MORN1: variants seen among roughly 807,000 people sequenced by gnomAD.
The protein encoded by MORN1 is MORN repeat containing 1, also known as MORN repeat-containing protein 1.
In MORN1, 67 loss-of-function variants were observed where a neutral mutation model predicts 61.9. The observed-to-expected ratio is 1.08, with a 90% confidence interval of 0.89 to 1.33. The LOEUF (loss-of-function observed/expected upper bound fraction) is 1.33, where lower values mean the gene tolerates loss of function less well. Ranked by LOEUF, MORN1 falls within the 40% of genes most tolerant of loss-of-function variation. The pLI is 0.00. For missense variants in MORN1, 752 were observed against 691.2 expected (o/e 1.09, Z -0.99); for synonymous variants, 301 against 292.0 (o/e 1.03, Z -0.31).
At chr1:2,352,118 AGAGT>A in intron 10 of MORN1, 1 of 428,520 alleles carries the variant, frequency 2.3e-6, no homozygotes, top group South Asian at 2.8e-5. Flanking sequence ...GAAATTGTGT[AGAGT>A]GTTTGTGAGC....
At chr1:2,379,698 G>A (rs1035308855) in intron 6 of MORN1, among the ~76,000 whole-genome samples, 1 of 152,186 alleles carries the variant, frequency 6.6e-6, no homozygotes, top group Non-Finnish European at 1.5e-5. Flanking sequence ...TGTTAAGAGG[G>A]CTAAACTCAT....
At chr1:2,376,921 G>C (rs1179243650) in intron 6 of MORN1, 2 of 151,908 alleles carry the variant, frequency 1.3e-5, no homozygotes, top group Non-Finnish European at 2.9e-5. Context: ...TATTAAATAG[G>C]GTGCAGGGGA....
intron 8 of MORN1, among the ~76,000 whole-genome samples, chr1:2,370,554 G>C (rs547974376): frequency 1.3e-4 from 20 of 152,196 alleles, no homozygotes; most frequent in Admixed American, 4.6e-4. Flanking sequence ...GAAAAGATGA[G>C]CCGTAGGTGG....
intron 13 of MORN1, chr1:2,322,738 G>A: frequency 4.1e-6 from 4 of 985,490 alleles, no homozygotes; most frequent in Non-Finnish European, 4.8e-6. Flanking sequence ...CAGGAATCCA[G>A]CTATACCAGT....
intron 8 of MORN1, among the ~76,000 whole-genome samples, chr1:2,363,804 AC>A (rs1206457656): frequency 3.7e-5 from 3 of 80,616 alleles, no homozygotes; most frequent in South Asian, 5.0e-4. Context: ...AAACAAACAA[AC>A]AAAAAAATAT....
intron 13 of MORN1, 163 bp downstream of exon 13, chr1:2,323,934 G>A: frequency 1.0e-6 from 1 of 984,944 alleles, no homozygotes; most frequent in Non-Finnish European, 1.2e-6. Context: ...TCCCATTCAG[G>A]TCCCTGGGAG....
intron 10 of MORN1, among the ~76,000 whole-genome samples, chr1:2,354,055 C>T (rs1162953076): frequency 6.6e-6 from 1 of 151,592 alleles, no homozygotes; most frequent in East Asian, 2.0e-4. Context: ...GGGGCCAAGG[C>T]GAGCAGATCA....
chr1:2,377,197 T>C (rs1316796680), intron 6 of MORN1: 2 of 152,338 alleles, frequency 1.3e-5, no homozygotes, highest in East Asian at 3.8e-4. Context: ...AAGGTGGTGG[T>C]GGTCACACGA....
chr1:2,338,242 G>A (rs1641321412), intron 10 of MORN1, among the ~76,000 whole-genome samples: 1 of 152,198 alleles, frequency 6.6e-6, no homozygotes, highest in South Asian at 2.1e-4. Flanking sequence ...ATCTCTCTCA[G>A]AGGTGTCTTA....
chr1:2,357,184 C>T lies in MORN1; in HGVS notation c.1036+248G>A, dbSNP rs562554034. ...CCAGAACTCTGCCCTGAGGACCCCA[C>T]GAGGCTGCAGCCCCTGCCAGGCTCA... On this transcript the variant is annotated intron_variant, in intron 10 of 13. Transcript: ENST00000378531. This position sits in a 1 kb window ranked among gnomAD's most constrained non-coding sequence, Gnocchi z 6.3. Among the ~76,000 whole-genome samples the T allele has an allele frequency of 1.1e-4, 17 of 152,296 alleles. No homozygotes were observed. The highest frequency in any genetic ancestry group is 8.5e-4 in the Admixed American group (13 of 15,304).
At chr1:2,384,085 G>C (rs770549372) in intron 6 of MORN1, among the ~76,000 whole-genome samples, 11 of 152,212 alleles carry the variant, frequency 7.2e-5, no homozygotes, top group Non-Finnish European at 1.5e-4. Flanking sequence ...CCATTGGAGT[G>C]ATGGGTGTGG....
chr1:2,342,840 A>T (rs905347152), intron 10 of MORN1, among the ~76,000 whole-genome samples: 20 of 101,984 alleles, frequency 2.0e-4, no homozygotes, highest in South Asian at 6.9e-4. Flanking sequence ...ATTTTATTTT[A>T]TATTTTATTT....
chr1:2,327,165 G>GAC lies in MORN1; in HGVS notation c.1251-3024_1251-3023dup, dbSNP rs1557866317. ...AGAGACACAGAAACAGAAACACACA[G>GAC]ACAGAAACAAACACAGAGACACAGA... On this transcript the variant is annotated intron_variant, in intron 12 of 13. Coordinates refer to ENST00000378531, the MANE Select transcript of MORN1 (RefSeq NM_024848.3). Among the ~76,000 whole-genome samples the GAC allele has an allele frequency of 4.8e-3, 595 of 123,728 alleles. 44 individuals are homozygous for GAC. The highest frequency in any genetic ancestry group is 0.019 in the African/African-American group (552 of 28,814). 81.2% of individuals were successfully genotyped at this position (123,728 alleles called of 152,430 possible). A position where few individuals can be genotyped will look rare whatever the true frequency, so the allele number is the denominator to read the frequency against.
At position 2,336,469 on chromosome 1, in the gene MORN1, C is replaced by T; in HGVS notation, c.1250G>A (p.Arg417Lys). The change falls in exon 12 of 14, where the codon AGG becomes AAG. Residue 417 changes from arginine to lysine, a missense_variant and splice_region_variant. By Grantham distance (26) the Arg-to-Lys change is conservative. Coordinates refer to ENST00000378531, the MANE Select transcript of MORN1 (RefSeq NM_024848.3). Reference sequence around the variant, plus strand: ...TGCAGGTGGGGTGGGCTCATCCTACCTGCTGCCTCCAGGAGGCTCCTGTGC... The same window carrying T: ...TGCAGGTGGGGTGGGCTCATCCTACTTGCTGCCTCCAGGAGGCTCCTGTGC... Reference protein sequence around the residue: ...PTAQEPPGGSRPEGRATEEQA... With the variant: ...PTAQEPPGGSKPEGRATEEQA... The T allele has an allele frequency of 6.2e-7, 1 of 1,611,210 alleles. No individual in the cohort carries two copies. The highest frequency in any genetic ancestry group is 8.5e-7 in the Non-Finnish European group (1 of 1,179,060).
intron 6 of MORN1, among the ~76,000 whole-genome samples, chr1:2,384,478 A>G (rs113380394): frequency 5.4e-4 from 83 of 152,354 alleles, no homozygotes; most frequent in African/African-American, 1.9e-3. Flanking sequence ...GAAACTGCAG[A>G]CACAGGAGAA....
At chr1:2,330,664 C>A (rs142071461) in intron 12 of MORN1, among the ~76,000 whole-genome samples, 31 of 152,274 alleles carry the variant, frequency 2.0e-4, no homozygotes, top group African/African-American at 7.2e-4. Context: ...TTCTCGGAGC[C>A]GAGGAGGGAG....
At chr1:2,340,539 C>G (rs1262584291) in intron 10 of MORN1, among the ~76,000 whole-genome samples, 2 of 152,256 alleles carry the variant, frequency 1.3e-5, no homozygotes, top group African/African-American at 4.8e-5. Context: ...TCTGGGCCAT[C>G]ATCTGTGGCT....
At position 2,324,191 on chromosome 1, in the gene MORN1, G is replaced by A. The variant is rs376125989; in HGVS notation, c.1251-48C>T. The A allele has an allele frequency of 4.5e-5, 69 of 1,545,366 alleles. No homozygotes were observed. In the East Asian group the frequency reaches 6.4e-4, roughly 14 times the overall value. On this transcript the variant is annotated intron_variant, in intron 12 of 13. Coordinates refer to ENST00000378531, the MANE Select transcript of MORN1 (RefSeq NM_024848.3). ...CCCCTGAATGCCCTGCCTGGGCCCC[G>A]ACGACATGGCATCCCTGACCTGAAC...
rs1011657226 is a variant in MORN1, at chr1:2,345,851, ACACAG to A, written c.1037-9006_1037-9002del. On this transcript the variant is annotated intron_variant, in intron 10 of 13. Coordinates refer to ENST00000378531, the MANE Select transcript of MORN1 (RefSeq NM_024848.3). ...CGGCCACACACACACACACACACAC[ACACAG>A]ATGTTTGCTCTTATCTCTATGACGC... Among the ~76,000 whole-genome samples, 69 of 99,688 alleles carry A rather than the reference ACACAG, an allele frequency of 6.9e-4. 1 individual carries two copies. The highest frequency in any genetic ancestry group is 4.6e-3 in the South Asian group (15 of 3,266). The allele number at this position is 99,688 out of a possible 152,430, so 65.4% of individuals were successfully genotyped here. A position where few individuals can be genotyped will look rare whatever the true frequency, so the allele number is the denominator to read the frequency against.
Sources: gnomAD v4.1 joint callset for allele counts (sites outside exome capture counted in the v4.1 genomes callset) on GRCh38, gnomAD v4.1.1 for gene constraint, Gnocchi (gnomAD v3.1) non-coding constraint, MANE v1.5 for transcripts, NCBI Gene and HGNC (gene_info 2026-07-23, HGNC 2026-07-21) for gene names.